The following KDR variants were observed in gnomAD, a reference collection of about 807,000 sequenced individuals.
The protein encoded by KDR is kinase insert domain receptor.
Under a neutral mutation model 160.9 loss-of-function variants are expected in KDR, and 43 were observed. That is an observed-to-expected ratio of 0.27 (90% CI 0.21 to 0.34). KDR has a LOEUF of 0.34. KDR is among the 10% of genes least tolerant of loss of function. The pLI, the probability that KDR is intolerant of heterozygous loss-of-function variation, is 1.00. For synonymous variants in KDR, 617 were observed against 600.1 expected, an observed-to-expected ratio of 1.03 and a Z score of -0.41; for missense variants, 1,469 against 1,666.4, an observed-to-expected ratio of 0.88 and a Z score of 2.06.
rs1720336648 is a variant in KDR, at chr4:55,102,379, G to T, written c.2117C>A (p.Thr706Asn). 6.2e-7 allele frequency: 1 copy of T among 1,613,650 alleles called. No homozygotes were observed. Among genetic ancestry groups the T allele is most frequent in the Non-Finnish European group, 8.5e-7 (1 of 1,179,676 alleles). Reference protein sequence around the residue: ...PQIMWFKDNETLVEDSGIVLK... With the variant: ...PQIMWFKDNENLVEDSGIVLK... ...CTATTTACCTGAGTCTTCTACAAGG[G>T]TCTCATTATCTTTAAACCACATGAT... Residue 706 changes from threonine to asparagine, a missense_variant, in exon 14 of 30, where the codon ACC (threonine) becomes AAC (asparagine). Coordinates refer to ENST00000263923, the MANE Select transcript of KDR (RefSeq NM_002253.4).
intron 9 of KDR, among the ~76,000 whole-genome samples, chr4:55,108,518 G>C (rs1720497547): frequency 6.6e-6 from 1 of 152,026 alleles, no homozygotes; most frequent in South Asian, 2.1e-4. Flanking sequence ...AAATGAAACA[G>C]AAAAAAATGA....
intron 25 of KDR, 66 bp from the exon 26 acceptor site, chr4:55,089,039 T>A: frequency 8.8e-7 from 1 of 1,130,156 alleles, no homozygotes; most frequent in South Asian, 1.3e-5. Context: ...AATAAGCACT[T>A]AAATGAGTAC....
rs780574550 is a variant in KDR, at chr4:55,089,794, G to C, written c.3201C>G (p.Leu1067=). 1.9e-6 allele frequency: 3 copies of C among 1,613,936 alleles called. No homozygotes were observed. Among genetic ancestry groups the C allele is most frequent in the South Asian group, 1.1e-5 (1 of 91,078 alleles). The change falls in exon 24 of 30, where the codon CTC becomes CTG. Residue 1067 remains leucine (L), a synonymous_variant. Transcript: ENST00000263923. The part of the protein sequence containing the change: ...PDYVRKGDAR[L]PLKWMAPETI... ...TTTCTGGGGCCATCCATTTCAAAGG[G>C]AGGCGAGCCTACAGGGGTAGAAGAC...
At chr4:55,112,575 C>T (rs972105265) in intron 7 of KDR, among the ~76,000 whole-genome samples, 1 of 137,284 alleles carries the variant, frequency 7.3e-6, no homozygotes, top group Non-Finnish European at 1.5e-5. Flanking sequence ...GTTGCCCAGG[C>T]TGGGGTACAA....
chr4:55,086,529 G>C (rs1719868456), intron 27 of KDR, among the ~76,000 whole-genome samples: 2 of 152,132 alleles, frequency 1.3e-5, no homozygotes, highest in Non-Finnish European at 1.5e-5. Context: ...CAAAAAAAAA[G>C]ATCATTGTTT....
intron 14 of KDR, 152 bp from the exon 15 acceptor site, chr4:55,102,180 T>G: frequency 1.5e-6 from 2 of 1,323,232 alleles, no homozygotes; most frequent in Non-Finnish European, 2.1e-6. Flanking sequence ...ACTAATCTCC[T>G]ATATGGCTTT....
At chr4:55,102,212 C>T in intron 14 of KDR, 150 bp downstream of exon 14, 2 of 1,241,190 alleles carry the variant, frequency 1.6e-6, no homozygotes, top group Non-Finnish European at 2.3e-6. Context: ...AACAGGGCCC[C>T]ATACTCCAAT....
intron 21 of KDR, among the ~76,000 whole-genome samples, chr4:55,094,561 C>G (rs1315698493): frequency 6.6e-6 from 1 of 152,212 alleles, no homozygotes; most frequent in Non-Finnish European, 1.5e-5. Flanking sequence ...TAGCCGACTG[C>G]TTAGCCCACT....
intron 15 of KDR, 21 bp downstream of exon 15, chr4:55,101,876 A>G: frequency 6.4e-7 from 1 of 1,551,722 alleles, no homozygotes; most frequent in Non-Finnish European, 8.9e-7. Flanking sequence ...TATGTACCAC[A>G]TTTTTTTTTA....
Position 55,125,455 on chromosome 4 carries a change from A to C in KDR, c.-162T>G. On this transcript the variant is annotated 5_prime_UTR_variant, in exon 1 of 30. Coordinates refer to ENST00000263923, the MANE Select transcript of KDR (RefSeq NM_002253.4). Reference sequence around the variant, plus strand: ...GAGCCCGGGCGCCGACCGCGGCTGCAGGGGCGTCTGCGGGTGCCGGTAGGA... The same window carrying C: ...GAGCCCGGGCGCCGACCGCGGCTGCCGGGGCGTCTGCGGGTGCCGGTAGGA... The C allele has an allele frequency of 1.2e-6, 1 of 812,106 alleles. No individual in the cohort carries two copies. The highest frequency in any genetic ancestry group is 2.0e-6 in the Non-Finnish European group (1 of 507,846). 50.3% of individuals were successfully genotyped at this position (812,106 alleles called of 1,614,324 possible). A position where few individuals can be genotyped will look rare whatever the true frequency, so the allele number is the denominator to read the frequency against.
Position 55,106,778 on chromosome 4 carries a change from C to A in KDR, c.1445G>T (p.Cys482Phe), listed in dbSNP as rs751882735. 6.2e-7 allele frequency: 1 copy of A among 1,604,362 alleles called. No homozygotes were observed. Among genetic ancestry groups the A allele is most frequent in the Non-Finnish European group, 8.5e-7 (1 of 1,171,098 alleles). The part of the protein sequence containing the change: ...QAVSVTNPYP[C>F]EEWRSVEDFQ... ...GTCCTCCACACTTCTCCATTCTTCA[C>A]AAGGGTATGGGTTTGTCACTGAGAC... The change falls in exon 11 of 30, where the codon TGT (cysteine) becomes TTT (phenylalanine). Residue 482 changes from cysteine (C) to phenylalanine (F), a missense_variant. Cys to Phe is a radical substitution (Grantham distance 205). This residue lies in a region of KDR where 792 missense variants were observed against 840.9 expected (regional missense o/e 0.94). Transcript: ENST00000263923.
In KDR at chr4:55,098,272, C is replaced by T. The variant is rs1720213481; in HGVS notation, c.2374G>A (p.Ala792Thr). Residue 792 changes from alanine to threonine, a missense_variant and splice_region_variant, in exon 17 of 30, where the codon GCC becomes ACC. Ala to Thr is a moderately conservative substitution (Grantham distance 58). Around this residue, in one of 7 missense-constraint regions of KDR, gnomAD observed 118 missense variants for 110.8 expected, o/e 1.06. Coordinates refer to ENST00000263923, the MANE Select transcript of KDR (RefSeq NM_002253.4). ...CCTGTCTTCAGTTCCCCTCCATTGG[C>T]CTGGAAAGCATCAATCCTTCCAGTC... ...LVIILRTVKRANGGELKTGYL... is the reference protein window; with the variant it reads ...LVIILRTVKRTNGGELKTGYL... 3 of 1,613,556 alleles carry T rather than the reference C, an allele frequency of 1.9e-6. No homozygotes were observed. Among genetic ancestry groups the T allele is most frequent in the Non-Finnish European group, 2.5e-6 (3 of 1,179,772 alleles).
chr4:55,089,833 C>G (rs376192310), intron 23 of KDR, 31 bp from the exon 24 acceptor site: 1 of 1,608,518 alleles, frequency 6.2e-7, no homozygotes, highest in Non-Finnish European at 8.5e-7. Context: ...GATTCAGAAC[C>G]CAAATTAGCA....
Position 55,105,747 on chromosome 4 carries a change from G to A in KDR, c.1645+85C>T. The A allele has an allele frequency of 4.6e-6, 4 of 862,496 alleles. No homozygotes were observed. The Admixed American group carries it at 6.8e-5, about 15-fold the overall frequency. 53.4% of individuals were successfully genotyped at this position (862,496 alleles called of 1,614,324 possible). A position where few individuals can be genotyped will look rare whatever the true frequency, so the allele number is the denominator to read the frequency against. On this transcript the variant is annotated intron_variant, in intron 12 of 29. Transcript: ENST00000263923. ...TTCCTAAATGCCATGCCACTCACAT[G>A]AATGGCAAAAACAACAGGGAATTAC...
intron 2 of KDR, among the ~76,000 whole-genome samples, chr4:55,119,854 T>G (rs910713388): frequency 2.0e-5 from 3 of 152,158 alleles, no homozygotes; most frequent in African/African-American, 7.2e-5. Flanking sequence ...ATAGTCAACA[T>G]CAAGAAGAAT....
At position 55,094,954 on chromosome 4, in the gene KDR, G is replaced by T; in HGVS notation, c.2819C>A (p.Thr940Asn). The change falls in exon 21 of 30, where the codon ACC becomes AAC. Residue 940 changes from threonine to asparagine, a missense_variant and splice_region_variant. This residue lies in a region of KDR where 151 missense variants were observed against 207.2 expected (regional missense o/e 0.73). Coordinates refer to ENST00000263923, the MANE Select transcript of KDR (RefSeq NM_002253.4). ...CCCTTGACGGAATCGTGCCCCTTTG[G>T]TCTATAAAAAAGCAAAGGAACAAAC... is the stretch of plus-strand genomic sequence containing the variant. ...SKRNEFVPYK[T>N]KGARFRQGKD... is the part of the protein sequence containing the mutation. The T allele has an allele frequency of 2.5e-6, 4 of 1,613,648 alleles. No individual in the cohort carries two copies. The highest frequency in any genetic ancestry group is 3.4e-6 in the Non-Finnish European group (4 of 1,179,680).
intron 26 of KDR, among the ~76,000 whole-genome samples, chr4:55,088,566 T>C (rs1355443183): frequency 6.6e-6 from 1 of 152,244 alleles, no homozygotes; most frequent in Non-Finnish European, 1.5e-5. Context: ...ATTGTTGATC[T>C]TCTGTGGATC....
chr4:55,124,621 C>G (rs986396654), intron 1 of KDR, among the ~76,000 whole-genome samples: 2 of 152,116 alleles, frequency 1.3e-5, no homozygotes, highest in Admixed American at 6.5e-5. Flanking sequence ...TATTCCCCCC[C>G]TTCTTCGCTC....
At chr4:55,113,270 A>C in intron 7 of KDR, 34 bp downstream of exon 7, 2 of 1,601,196 alleles carry the variant, frequency 1.2e-6, no homozygotes, top group Non-Finnish European at 1.7e-6. Flanking sequence ...CTCACTTGTC[A>C]AGGCACAGAA....
Sources: allele counts gnomAD v4.1 joint callset (sites outside exome capture counted in the v4.1 genomes callset), GRCh38; gene constraint gnomAD v4.1.1; regional missense constraint gnomAD v4.1.1; transcripts MANE v1.5; gene names NCBI Gene and HGNC (gene_info 2026-07-23, HGNC 2026-07-21).